The following BCAS3 variants were observed in gnomAD, a reference collection of about 807,000 sequenced individuals.
The protein encoded by BCAS3 is BCAS4/BCAS3 fusion.
In BCAS3, 53 loss-of-function variants were observed where a neutral mutation model predicts 116.1. The ratio of observed to expected loss-of-function variants is 0.46; its 90% CI spans 0.37 to 0.57. The LOEUF (loss-of-function observed/expected upper bound fraction) is 0.57. Ranked by LOEUF, BCAS3 falls within the 20% of genes least tolerant of loss-of-function variation. The pLI is 0.00. For synonymous variants in BCAS3, 391 were observed against 408.2 expected (o/e 0.96, Z 0.51); for missense variants, 917 against 1,165.4 (o/e 0.79, Z 3.10).
chr17:61,081,515 A>G (rs1265598124), intron 21 of BCAS3, among the ~76,000 whole-genome samples: 3 of 152,258 alleles, frequency 2.0e-5, no homozygotes, highest in Admixed American at 2.0e-4. Flanking sequence ...ATGTTTGATT[A>G]GAATATTATC....
At chr17:60,710,557 A>G (rs555504753) in intron 5 of BCAS3, among the ~76,000 whole-genome samples, 2 of 150,836 alleles carry the variant, frequency 1.3e-5, no homozygotes, top group South Asian at 2.1e-4. Context: ...TCAGCCTCTC[A>G]AGTAGCTGGG....
intron 22 of BCAS3, among the ~76,000 whole-genome samples, chr17:61,297,955 C>G (rs1364568824): frequency 6.6e-6 from 1 of 152,156 alleles, no homozygotes; most frequent in African/African-American, 2.4e-5. Context: ...GCAAAATGAA[C>G]TAGCAGCTGA....
intron 7 of BCAS3, chr17:60,810,711 C>T: frequency 1.5e-6 from 1 of 665,556 alleles, no homozygotes; most frequent in Non-Finnish European, 2.8e-6. Flanking sequence ...AGAGGGACAT[C>T]CATGGGCTCT....
intron 22 of BCAS3, among the ~76,000 whole-genome samples, chr17:61,172,511 C>G (rs1416309447): frequency 6.6e-6 from 1 of 151,374 alleles, no homozygotes; most frequent in Non-Finnish European, 1.5e-5. Context: ...GTGGCTGGCG[C>G]CTGTAGTCCT....
intron 3 of BCAS3, among the ~76,000 whole-genome samples, chr17:60,685,622 TA>T (rs1299620917): frequency 3.9e-5 from 6 of 152,140 alleles, no homozygotes; most frequent in Non-Finnish European, 5.9e-5. Context: ...TTTTGAGGCT[TA>T]AAGGGTGTCA....
At chr17:60,895,717 CCA>C (rs1454833033) in intron 10 of BCAS3, among the ~76,000 whole-genome samples, 1 of 152,080 alleles carries the variant, frequency 6.6e-6, no homozygotes. Flanking sequence ...TTGCTGTATT[CCA>C]CAGTTTTGGT....
chr17:60,753,832 TATA>T (rs57636075), intron 6 of BCAS3, among the ~76,000 whole-genome samples: 18,484 of 152,184 alleles, frequency 0.12, 1,198 homozygotes, highest in African/African-American at 0.19. Context: ...TTTCTGTTAC[TATA>T]ATCTTAGCTT....
rs1602609615 is a variant in BCAS3, at chr17:61,313,570, G to A, written c.2426-54757G>A. Among the ~76,000 whole-genome samples, 1 of 152,198 alleles carries A rather than the reference G, an allele frequency of 6.6e-6. No individual in the cohort carries two copies. Among genetic ancestry groups the A allele is most frequent in the East Asian group, 1.9e-4 (1 of 5,186 alleles). ...CGGGGATTTGTGTGGGCCAGACAAT[G>A]TAGGGGATTTATTTCCAAGGCTGGA... On this transcript the variant is annotated intron_variant, in intron 22 of 23. Transcript: ENST00000407086. The surrounding 1 kb of genome is among the most constrained non-coding windows in gnomAD (Gnocchi z 4.3).
At chr17:60,688,815 CAA>C (rs559951863) in intron 3 of BCAS3, 29 of 87,236 alleles carry the variant, frequency 3.3e-4, no homozygotes, top group East Asian at 6.6e-4. Flanking sequence ...GACTCTGTCT[CAA>C]AAAAAAAAAA....
At position 60,993,156 on chromosome 17, in the gene BCAS3, T is replaced by C. The variant is rs934210133; in HGVS notation, c.1486+2921T>C. ...CAAAAGATTGTGGGCATTCCTACCC[T>C]CATAGATCTTGTATTCCACGGGAAA... On this transcript the variant is annotated intron_variant, in intron 15 of 23. Transcript: ENST00000407086. The surrounding 1 kb of genome is among the most constrained non-coding windows in gnomAD (Gnocchi z 4.2). 4.6e-5 allele frequency among the ~76,000 whole-genome samples: 7 copies of C among 152,198 alleles called. No individual in the cohort carries two copies. The highest frequency in any genetic ancestry group is 8.8e-5 in the Non-Finnish European group (6 of 68,028).
intron 22 of BCAS3, among the ~76,000 whole-genome samples, chr17:61,350,887 G>A (rs1385438276): frequency 1.3e-5 from 2 of 152,078 alleles, no homozygotes; most frequent in African/African-American, 4.8e-5. Flanking sequence ...CCCTGCCTCA[G>A]CCTCCCAAAG....
chr17:60,842,203 A>C (rs2052008627), intron 7 of BCAS3, among the ~76,000 whole-genome samples: 1 of 152,184 alleles, frequency 6.6e-6, no homozygotes, highest in Admixed American at 6.5e-5. Flanking sequence ...AATATGACTC[A>C]ACAAAAGTAA....
Position 61,381,403 on chromosome 17 carries a change from CAATTAGCTGAGACT to C in BCAS3, c.2594-10573_2594-10560del, listed in dbSNP as rs1369988322. 6.6e-6 allele frequency among the ~76,000 whole-genome samples: 1 copy of C among 152,182 alleles called. No homozygotes were observed. Among genetic ancestry groups the C allele is most frequent in the African/African-American group, 2.4e-5 (1 of 41,434 alleles). On this transcript the variant is annotated intron_variant, in intron 23 of 23. Coordinates refer to ENST00000407086, the MANE Select transcript of BCAS3 (RefSeq NM_017679.5). The surrounding 1 kb of genome is among the most constrained non-coding windows in gnomAD (Gnocchi z 6.0). ...ATCTGGACGGGCGGCGGCACCACCA[CAATTAGCTGAGACT>C]GTGATCCTTTCCCAGCCGCGGCGTG...
intron 14 of BCAS3, among the ~76,000 whole-genome samples, chr17:60,989,037 G>A (rs1045687926): frequency 6.6e-6 from 1 of 151,308 alleles, no homozygotes; most frequent in African/African-American, 2.4e-5. Flanking sequence ...TTCCCTCTTA[G>A]TACTGCTTTT....
Position 61,128,523 on chromosome 17 carries a change from T to A in BCAS3, c.2425+43959T>A. 1.0e-6 allele frequency: 1 copy of A among 985,384 alleles called. No homozygotes were observed. The highest frequency in any genetic ancestry group is 1.2e-6 in the Non-Finnish European group (1 of 829,884). The allele number at this position is 985,384 out of a possible 1,614,324, so 61.0% of individuals were successfully genotyped here. ...AAGCAATGGACAAACCTTCCGTTCT[T>A]CTCTATCCCAAATCGTTTGAATCGT... On this transcript the variant is annotated intron_variant, in intron 22 of 23. Transcript: ENST00000407086. The surrounding 1 kb of genome is among the most constrained non-coding windows in gnomAD (Gnocchi z 4.1).
At chr17:61,255,887 G>A (rs1325521816) in intron 22 of BCAS3, among the ~76,000 whole-genome samples, 1 of 152,192 alleles carries the variant, frequency 6.6e-6, no homozygotes, top group African/African-American at 2.4e-5. Context: ...GGACTTCAAG[G>A]TGGATGGTTT....
intron 22 of BCAS3, among the ~76,000 whole-genome samples, chr17:61,295,636 T>C (rs2052815398): frequency 6.6e-6 from 1 of 152,016 alleles, no homozygotes; most frequent in African/African-American, 2.4e-5. Context: ...CGTGTTGGGA[T>C]GTCCATGGTT....
intron 15 of BCAS3, among the ~76,000 whole-genome samples, chr17:60,992,706 A>G (rs982887664): frequency 7.2e-5 from 11 of 152,206 alleles, no homozygotes; most frequent in African/African-American, 2.2e-4. Flanking sequence ...TTATATTTCA[A>G]AAAAGTATAT....
chr17:61,201,862 G>GCC (rs2080844268), intron 22 of BCAS3, among the ~76,000 whole-genome samples: 1 of 150,354 alleles, frequency 6.7e-6, no homozygotes, highest in African/African-American at 2.5e-5. Context: ...GGGTTCAAGT[G>GCC]ATTCTCCTGC....
Sources: allele counts gnomAD v4.1 joint callset (sites outside exome capture counted in the v4.1 genomes callset), GRCh38; gene constraint gnomAD v4.1.1; non-coding constraint Gnocchi (gnomAD v3.1); transcripts MANE v1.5; gene names NCBI Gene and HGNC (gene_info 2026-07-23, HGNC 2026-07-21).